The following TENM2 variants were observed in gnomAD, a reference collection of about 807,000 sequenced individuals.
TENM2 encodes the protein teneurin-2.
Under a neutral mutation model 245.2 loss-of-function variants are expected in TENM2, and 52 were observed. The ratio of observed to expected loss-of-function variants is 0.21; its 90% CI spans 0.17 to 0.27. The LOEUF (loss-of-function observed/expected upper bound fraction) is 0.27, where lower values mean the gene tolerates loss of function less well. Among genes scored for constraint, TENM2 ranks in the 10% least tolerant of loss-of-function variants. The pLI is 1.00. For synonymous variants in TENM2, 1,363 were observed against 1,438.9 expected (o/e 0.95, Z 1.19); for missense variants, 3,046 against 3,666.8 (o/e 0.83, Z 4.37).
intron 2 of TENM2, among the ~76,000 whole-genome samples, chr5:167,442,110 T>A (rs900567351): frequency 6.6e-6 from 1 of 152,214 alleles, no homozygotes; most frequent in African/African-American, 2.4e-5. Context: ...AATCTTGCAT[T>A]TGAAAACCCA....
chr5:167,520,617 AG>A (rs1319019956), intron 2 of TENM2, among the ~76,000 whole-genome samples: 1 of 152,096 alleles, frequency 6.6e-6, no homozygotes, highest in Admixed American at 6.6e-5. Context: ...TGATACCAAA[AG>A]GTTGAAGAGA....
intron 12 of TENM2, chr5:168,149,587 C>G: frequency 4.6e-6 from 2 of 433,048 alleles, no homozygotes; most frequent in East Asian, 1.4e-4. Context: ...CCTGCCCAAG[C>G]CTCCACCCTG....
At chr5:167,016,932 TTTAGTC>T in the TENM2 span, among the ~76,000 whole-genome samples, 2 of 152,214 alleles carry the variant, frequency 1.3e-5, no homozygotes, top group Admixed American at 1.3e-4. Flanking sequence ...CTAGTAACCC[TTTAGTC>T]AAATTGCAAA....
intron 2 of TENM2, among the ~76,000 whole-genome samples, chr5:167,517,203 G>A (rs945392914): frequency 3.3e-5 from 5 of 152,086 alleles, no homozygotes; most frequent in South Asian, 2.1e-4. Flanking sequence ...TTACATACCC[G>A]TCTCACAGAC....
chr5:168,038,381 A>G (rs1199287394), intron 5 of TENM2, among the ~76,000 whole-genome samples: 1 of 152,052 alleles, frequency 6.6e-6, no homozygotes, highest in Non-Finnish European at 1.5e-5. Flanking sequence ...TCTCCACCCT[A>G]TAAGGTCAGT....
At chr5:168,147,773 C>T (rs1474637037) in intron 12 of TENM2, among the ~76,000 whole-genome samples, 2 of 152,216 alleles carry the variant, frequency 1.3e-5, no homozygotes, top group East Asian at 3.8e-4. Context: ...TACATCAGAA[C>T]TTATTGGAGC....
At chr5:167,362,126 G>A (rs931082588) in intron 1 of TENM2, among the ~76,000 whole-genome samples, 1 of 152,126 alleles carries the variant, frequency 6.6e-6, no homozygotes, top group Non-Finnish European at 1.5e-5. Context: ...TGTAACCTAC[G>A]ACATGTGTTT....
chr5:168,027,104 G>GGC (rs1786691384), intron 5 of TENM2, among the ~76,000 whole-genome samples: 1 of 151,718 alleles, frequency 6.6e-6, no homozygotes, highest in Non-Finnish European at 1.5e-5. Flanking sequence ...ATAAGCTACA[G>GGC]ACACACACAC....
chr5:167,076,068 A>T, the TENM2 span, among the ~76,000 whole-genome samples: 2 of 152,148 alleles, frequency 1.3e-5, no homozygotes, highest in South Asian at 4.1e-4. Context: ...GCTCTTTAAG[A>T]GGCAGTATCC....
the TENM2 span, among the ~76,000 whole-genome samples, chr5:167,030,173 G>C: frequency 6.6e-6 from 1 of 152,076 alleles, no homozygotes; most frequent in Non-Finnish European, 1.5e-5. Flanking sequence ...TTCTTCCTGA[G>C]CTCTTTACTT....
At chr5:167,576,536 G>C (rs906766686) in intron 2 of TENM2, among the ~76,000 whole-genome samples, 4 of 152,188 alleles carry the variant, frequency 2.6e-5, no homozygotes, top group East Asian at 1.9e-4. Context: ...GTTCTCTTTA[G>C]TCCCTATATA....
the TENM2 span, among the ~76,000 whole-genome samples, chr5:167,096,424 A>G: frequency 7.1e-3 from 1,087 of 152,272 alleles, 6 homozygotes; most frequent in Non-Finnish European, 0.011. Context: ...TAGAGTCACT[A>G]TACCCTTTTA....
chr5:167,147,434 A>G, the TENM2 span, among the ~76,000 whole-genome samples: 2 of 152,158 alleles, frequency 1.3e-5, no homozygotes, highest in Non-Finnish European at 2.9e-5. Flanking sequence ...TGGCATAAAC[A>G]TGCTGAATGT....
At chr5:167,685,471 C>CT (rs1561671052) in intron 2 of TENM2, among the ~76,000 whole-genome samples, 2 of 152,098 alleles carry the variant, frequency 1.3e-5, no homozygotes, top group African/African-American at 2.4e-5. Context: ...GTACTCTTTC[C>CT]TAAAGAATCC....
At chr5:167,293,194 G>T (rs1250403130) in intron 1 of TENM2, among the ~76,000 whole-genome samples, 1 of 151,718 alleles carries the variant, frequency 6.6e-6, no homozygotes, top group Middle Eastern at 3.2e-3. Context: ...AAGAGTGTTG[G>T]CTTTTTTGTT....
intron 2 of TENM2, among the ~76,000 whole-genome samples, chr5:167,558,068 A>G (rs1239428699): frequency 6.6e-6 from 1 of 152,198 alleles, no homozygotes; most frequent in Non-Finnish European, 1.5e-5. Flanking sequence ...TGAAACAGAA[A>G]CCTTCAGTGC....
chr5:167,453,413 G>T (rs1371362914), intron 2 of TENM2, among the ~76,000 whole-genome samples: 1 of 152,068 alleles, frequency 6.6e-6, no homozygotes, highest in Non-Finnish European at 1.5e-5. Context: ...GAGTAAAAAA[G>T]ACTTACTTGT....
At chr5:166,986,816 C>T in the TENM2 span, among the ~76,000 whole-genome samples, 1 of 152,150 alleles carries the variant, frequency 6.6e-6, no homozygotes, top group Non-Finnish European at 1.5e-5. Flanking sequence ...TGTAGATTAT[C>T]CTTTTGTCAC....
intron 3 of TENM2, among the ~76,000 whole-genome samples, chr5:167,893,643 T>C (rs1774942743): frequency 6.6e-6 from 1 of 151,916 alleles, no homozygotes; most frequent in East Asian, 1.9e-4. Context: ...GTTTTTTTTT[T>C]TTTAGTAAGA....
Sources: allele counts gnomAD v4.1 joint callset (sites outside exome capture counted in the v4.1 genomes callset), GRCh38; gene constraint gnomAD v4.1.1; transcripts MANE v1.5; gene names NCBI Gene and HGNC (gene_info 2026-07-23, HGNC 2026-07-21).